PAQR5: variants seen among roughly 807,000 people sequenced by gnomAD.
The protein encoded by PAQR5 is membrane progestin receptor gamma.
Under a neutral mutation model 34.5 loss-of-function variants are expected in PAQR5, and 20 were observed. The observed-to-expected ratio is 0.58, with a 90% confidence interval of 0.41 to 0.84. The LOEUF (loss-of-function observed/expected upper bound fraction) is 0.84, where lower values mean the gene tolerates loss of function less well. Among genes scored for constraint, PAQR5 ranks in the 40% least tolerant of loss-of-function variants. The pLI, the probability that PAQR5 is intolerant of heterozygous loss-of-function variation, is 0.00. For missense variants in PAQR5, 378 were observed against 412.7 expected, an observed-to-expected ratio of 0.92 and a Z score of 0.73; for synonymous variants, 131 against 155.6, an observed-to-expected ratio of 0.84 and a Z score of 1.18.
At chr15:69,366,618 T>C (rs915824010) in intron 3 of PAQR5, among the ~76,000 whole-genome samples, 3 of 152,342 alleles carry the variant, frequency 2.0e-5, no homozygotes, top group African/African-American at 7.2e-5. Flanking sequence ...CTTGATGGCC[T>C]AGCACATGAA....
At chr15:69,388,906 T>G (rs559901969) in intron 5 of PAQR5, among the ~76,000 whole-genome samples, 1 of 152,316 alleles carries the variant, frequency 6.6e-6, no homozygotes, top group African/African-American at 2.4e-5. Context: ...AGGGTGCAGG[T>G]CCAGGCCCAT....
intron 3 of PAQR5, chr15:69,379,397 C>A: frequency 1.0e-6 from 1 of 984,702 alleles, no homozygotes; most frequent in Non-Finnish European, 1.2e-6. Context: ...TCCTCATCAT[C>A]AAAAGCCCTT....
chr15:69,314,518 T>C (rs2053900331), intron 1 of PAQR5: 1 of 152,398 alleles, frequency 6.6e-6, no homozygotes, highest in Non-Finnish European at 1.5e-5. Flanking sequence ...GGATGCATCA[T>C]TTTTGCCTTT....
intron 3 of PAQR5, among the ~76,000 whole-genome samples, chr15:69,377,406 C>A (rs1227948217): frequency 6.6e-6 from 1 of 152,230 alleles, no homozygotes; most frequent in Non-Finnish European, 1.5e-5. Flanking sequence ...ATTCCTGCTG[C>A]CCGTTACAGG....
In PAQR5 at chr15:69,404,636, C is replaced by T. The variant is rs2056728058; in HGVS notation, c.*814C>T. Reference sequence around the variant, plus strand: ...CCCAATTGGTTGTGCTCATATGCCACCTTTTAAACCAATGGAAATTGCTAT... The same window carrying T: ...CCCAATTGGTTGTGCTCATATGCCATCTTTTAAACCAATGGAAATTGCTAT... On this transcript the variant is annotated 3_prime_UTR_variant, in exon 9 of 9. Coordinates refer to ENST00000395407, the MANE Select transcript of PAQR5 (RefSeq NM_017705.4). 1 of 262,060 alleles carries T rather than the reference C, an allele frequency of 3.8e-6. No homozygotes were observed. The highest frequency in any genetic ancestry group is 2.2e-5 in the African/African-American group (1 of 45,336). The allele number at this position is 262,060 out of a possible 1,614,324, so 16.2% of individuals were successfully genotyped here. A position where few individuals can be genotyped will look rare whatever the true frequency, so the allele number is the denominator to read the frequency against.
chr15:69,354,762 G>A (rs887020638), intron 2 of PAQR5, among the ~76,000 whole-genome samples: 1 of 152,142 alleles, frequency 6.6e-6, no homozygotes, highest in Non-Finnish European at 1.5e-5. Flanking sequence ...GAGGAGATCG[G>A]GTTGTAAGTC....
intron 3 of PAQR5, among the ~76,000 whole-genome samples, chr15:69,375,671 C>G (rs1295086913): frequency 6.6e-6 from 1 of 152,142 alleles, no homozygotes; most frequent in Non-Finnish European, 1.5e-5. Flanking sequence ...GCTTCCGTTA[C>G]TTTTGAGAAC....
chr15:69,337,801 T>TA (rs2054544796), intron 2 of PAQR5, among the ~76,000 whole-genome samples: 1 of 152,108 alleles, frequency 6.6e-6, no homozygotes, highest in Admixed American at 6.6e-5. Context: ...GACTTGCTTT[T>TA]AAAAAAATGG....
intron 2 of PAQR5, 141 bp from the exon 3 acceptor site, chr15:69,359,825 A>G (rs10851804): frequency 1 from 440,974 of 441,652 alleles, 220,152 homozygotes; most frequent in South Asian, 1. Flanking sequence ...CAGTCTGATC[A>G]TTTTGCTGTT....
chr15:69,384,318 G>A, intron 4 of PAQR5, among the ~76,000 whole-genome samples: 1 of 128,918 alleles, frequency 7.8e-6, no homozygotes, highest in South Asian at 2.7e-4. Flanking sequence ...GTGGGTGAGT[G>A]GGCCCTCCGT....
In PAQR5 at chr15:69,304,631, C is replaced by T. The variant is rs867242388; in HGVS notation, c.-277+5575C>T. Among the ~76,000 whole-genome samples, 3 of 152,224 alleles carry T rather than the reference C, an allele frequency of 2.0e-5. 1 individual carries two copies. Among genetic ancestry groups the T allele is most frequent in the Non-Finnish European group, 4.4e-5 (3 of 68,040 alleles). On this transcript the variant is annotated intron_variant, in intron 1 of 8. Coordinates refer to ENST00000395407, the MANE Select transcript of PAQR5 (RefSeq NM_017705.4). ...TTGCCTTACACAGTCTTCCTCTCTT[C>T]TGACCTTGACCTCAGCCAGGACCAC... is the stretch of plus-strand genomic sequence containing the variant.
intron 1 of PAQR5, among the ~76,000 whole-genome samples, chr15:69,314,198 T>C (rs544707952): frequency 1.3e-5 from 2 of 152,060 alleles, no homozygotes; most frequent in South Asian, 2.1e-4. Flanking sequence ...TTTTTACAAA[T>C]TGTAAGTGGA....
chr15:69,392,697 T>C (rs995109107), intron 6 of PAQR5, among the ~76,000 whole-genome samples: 2 of 152,058 alleles, frequency 1.3e-5, no homozygotes, highest in African/African-American at 4.8e-5. Context: ...GAGTGTAATG[T>C]AAACAAATAA....
intron 6 of PAQR5, among the ~76,000 whole-genome samples, chr15:69,395,818 T>G (rs1345981144): frequency 6.6e-6 from 1 of 152,054 alleles, no homozygotes; most frequent in African/African-American, 2.4e-5. Context: ...CTCCTTGAGC[T>G]TCTCACCTGG....
intron 1 of PAQR5, among the ~76,000 whole-genome samples, chr15:69,307,245 T>C (rs553750240): frequency 2.6e-4 from 40 of 152,298 alleles, no homozygotes; most frequent in African/African-American, 9.4e-4. Context: ...CTTCACCTTT[T>C]GTCTGCTGTG....
chr15:69,335,764 C>T (rs527485899), intron 1 of PAQR5, among the ~76,000 whole-genome samples: 15 of 151,806 alleles, frequency 9.9e-5, no homozygotes, highest in South Asian at 2.1e-4. Context: ...TCTGTGTGTC[C>T]GAATAACAGG....
rs956828392 is a variant in PAQR5 at position 69,404,679 on chromosome 15, A to G, written c.*857A>G. ...ATTGCTATATTTGGGGATGTCATAC[A>G]TTTGATATTGCTTCAGCATTTCAAA... On this transcript the variant is annotated 3_prime_UTR_variant, in exon 9 of 9. Coordinates refer to ENST00000395407, the MANE Select transcript of PAQR5 (RefSeq NM_017705.4). 2.9e-6 allele frequency: 1 copy of G among 347,370 alleles called. No homozygotes were observed. Among genetic ancestry groups the G allele is most frequent in the African/African-American group, 2.1e-5 (1 of 47,522 alleles). 21.5% of individuals were successfully genotyped at this position (347,370 alleles called of 1,614,324 possible).
At chr15:69,359,465 G>T (rs896539934) in intron 2 of PAQR5, among the ~76,000 whole-genome samples, 1 of 152,126 alleles carries the variant, frequency 6.6e-6, no homozygotes, top group African/African-American at 2.4e-5. Flanking sequence ...AACTCTAAGG[G>T]GGTGCGTGTG....
chr15:69,321,456 G>A (rs1218738745), intron 1 of PAQR5, among the ~76,000 whole-genome samples: 1 of 152,126 alleles, frequency 6.6e-6, no homozygotes, highest in Non-Finnish European at 1.5e-5. Context: ...AATTACTTCA[G>A]TATACATCTC....
Sources: allele counts gnomAD v4.1 joint callset (sites outside exome capture counted in the v4.1 genomes callset), GRCh38; gene constraint gnomAD v4.1.1; transcripts MANE v1.5; gene names NCBI Gene and HGNC (gene_info 2026-07-23, HGNC 2026-07-21).